RFTN1: variants seen among roughly 807,000 people sequenced by gnomAD.
The protein encoded by RFTN1 is raftlin.
In RFTN1, 26 loss-of-function variants were observed where a neutral mutation model predicts 46.5. That is an observed-to-expected ratio of 0.56 (90% CI 0.41 to 0.78). The LOEUF (loss-of-function observed/expected upper bound fraction) is 0.78, where lower values mean the gene tolerates loss of function less well. RFTN1 is among the 30% of genes least tolerant of loss of function. The pLI is 0.00. For synonymous variants in RFTN1, 261 were observed against 284.2 expected (o/e 0.92, Z 0.82); for missense variants, 693 against 718.7 (o/e 0.96, Z 0.41).
At chr3:16,364,402 C>T (rs940838983) in intron 6 of RFTN1, among the ~76,000 whole-genome samples, 1 of 152,164 alleles carries the variant, frequency 6.6e-6, no homozygotes, top group African/African-American at 2.4e-5. Flanking sequence ...TTTGTTTCAT[C>T]CTAAAACCTA....
intron 2 of RFTN1, among the ~76,000 whole-genome samples, chr3:16,470,553 G>C (rs748374268): frequency 1.3e-5 from 2 of 152,154 alleles, no homozygotes; most frequent in African/African-American, 4.8e-5. Context: ...CCAGAGAAAA[G>C]AGCCCCAGAT....
chr3:16,409,184 A>T (rs1009601887), intron 4 of RFTN1, among the ~76,000 whole-genome samples, 191 bp downstream of exon 4: 19 of 152,110 alleles, frequency 1.2e-4, no homozygotes, highest in African/African-American at 4.3e-4. Flanking sequence ...CCTGGGGAGG[A>T]GGGGTTAGCC....
chr3:16,375,436 C>T (rs1359100925), intron 5 of RFTN1, among the ~76,000 whole-genome samples: 1 of 151,938 alleles, frequency 6.6e-6, no homozygotes, highest in Non-Finnish European at 1.5e-5. Context: ...ATAGCATCTT[C>T]TGCCATAAAG....
rs34705903 is a variant in RFTN1, at chr3:16,426,660, CGTGTGTGT to C, written c.332+7183_332+7190del. Among the ~76,000 whole-genome samples the C allele has an allele frequency of 1.5e-4, 21 of 142,026 alleles. No homozygotes were observed. Among genetic ancestry groups the C allele is most frequent in the African/African-American group, 3.7e-4 (14 of 37,494 alleles). 93.2% of individuals were successfully genotyped at this position (142,026 alleles called of 152,430 possible). A position where few individuals can be genotyped will look rare whatever the true frequency, so the allele number is the denominator to read the frequency against. On this transcript the variant is annotated intron_variant, in intron 3 of 9. Transcript: ENST00000334133. This position sits in a 1 kb window ranked among gnomAD's most constrained non-coding sequence, Gnocchi z 5.9. The stretch of plus-strand genomic sequence containing the variant: ...ACTGTTATTTTGGCAATGAAAGGAT[CGTGTGTGT>C]GTGTGTGTGTGTGTGTGTGTGTGTG...
Position 16,484,093 on chromosome 3 carries a change from C to G in RFTN1, c.145+9632G>C, listed in dbSNP as rs1373577767. ...CACGAAATCAGAAAGGCTAATAGTG[C>G]CAGGATTTATAACTAGCCATTAGGC... is the stretch of plus-strand genomic sequence containing the variant. On this transcript the variant is annotated intron_variant, in intron 2 of 9. Transcript: ENST00000334133. This position sits in a 1 kb window ranked among gnomAD's most constrained non-coding sequence, Gnocchi z 4.6. 2.0e-5 allele frequency among the ~76,000 whole-genome samples: 3 copies of G among 152,174 alleles called. No homozygotes were observed. The highest frequency in any genetic ancestry group is 2.0e-4 in the Admixed American group (3 of 15,274).
intron 5 of RFTN1, among the ~76,000 whole-genome samples, chr3:16,372,130 C>T (rs565534475): frequency 6.6e-6 from 1 of 152,024 alleles, no homozygotes. Flanking sequence ...CTTTCCTGTG[C>T]AAGTAGTTTA....
intron 5 of RFTN1, among the ~76,000 whole-genome samples, chr3:16,373,453 C>G (rs1294383457): frequency 6.6e-6 from 1 of 152,218 alleles, no homozygotes; most frequent in Non-Finnish European, 1.5e-5. Flanking sequence ...TCCATTCAGG[C>G]CTTGCCAGGC....
rs914257469 is a variant in RFTN1, at chr3:16,322,194, G to A, written c.1332+1182C>T. Among the ~76,000 whole-genome samples, 4 of 152,214 alleles carry A rather than the reference G, an allele frequency of 2.6e-5. No homozygotes were observed. The highest frequency in any genetic ancestry group is 7.2e-5 in the African/African-American group (3 of 41,458). On this transcript the variant is annotated intron_variant, in intron 9 of 9. Transcript: ENST00000334133. The surrounding 1 kb of genome is among the most constrained non-coding windows in gnomAD (Gnocchi z 6.2). ...TGCTCCTGGTGGTTGATGGTGGGCT[G>A]GCAGTTCCCTTCTGGTCCATTGTGC...
At position 16,459,259 on chromosome 3, in the gene RFTN1, T is replaced by C. The variant is rs1411981170; in HGVS notation, c.146-25222A>G. 6.6e-6 allele frequency among the ~76,000 whole-genome samples: 1 copy of C among 152,122 alleles called. No individual in the cohort carries two copies. Among genetic ancestry groups the C allele is most frequent in the Non-Finnish European group, 1.5e-5 (1 of 68,030 alleles). Reference sequence around the variant, plus strand: ...ACTGTGTTTTCTGAAGGAAATTAGTTTTAACAGAACCAGAAAGGACTAAGT... The same window carrying C: ...ACTGTGTTTTCTGAAGGAAATTAGTCTTAACAGAACCAGAAAGGACTAAGT... On this transcript the variant is annotated intron_variant, in intron 2 of 9. Coordinates refer to ENST00000334133, the MANE Select transcript of RFTN1 (RefSeq NM_015150.2). This position sits in a 1 kb window ranked among gnomAD's most constrained non-coding sequence, Gnocchi z 4.2.
At chr3:16,319,202 A>G (rs961224111) in intron 9 of RFTN1, among the ~76,000 whole-genome samples, 1 of 152,178 alleles carries the variant, frequency 6.6e-6, no homozygotes, top group African/African-American at 2.4e-5. Context: ...ACGTGTTTTT[A>G]GAAAAGGACC....
intron 4 of RFTN1, among the ~76,000 whole-genome samples, chr3:16,390,928 T>C (rs1348379771): frequency 6.6e-6 from 1 of 152,232 alleles, no homozygotes; most frequent in Non-Finnish European, 1.5e-5. Context: ...AGTTTTTCCA[T>C]CTCTTCAGGT....
chr3:16,434,408 C>CAAAAAAAAAA (rs752211010), intron 2 of RFTN1, among the ~76,000 whole-genome samples: 22 of 150,290 alleles, frequency 1.5e-4, no homozygotes, highest in East Asian at 7.9e-4. Context: ...ACAAAAAAAC[C>CAAAAAAAAAA]CCCTCAAAAT....
chr3:16,477,018 AC>A (rs2076293124), intron 2 of RFTN1, among the ~76,000 whole-genome samples: 1 of 152,138 alleles, frequency 6.6e-6, no homozygotes, highest in Admixed American at 6.5e-5. Context: ...AATTGATCCT[AC>A]TTTTCATCCA....
At position 16,489,178 on chromosome 3, in the gene RFTN1, G is replaced by A. The variant is rs1031137634; in HGVS notation, c.145+4547C>T. On this transcript the variant is annotated intron_variant, in intron 2 of 9. Transcript: ENST00000334133. This position sits in a 1 kb window ranked among gnomAD's most constrained non-coding sequence, Gnocchi z 4.0. ...CACACCTGTAATCCCGGCACTTTGG[G>A]AAGCTGAGGCAGGCAGATCACCTGA... Among the ~76,000 whole-genome samples the A allele has an allele frequency of 2.0e-5, 3 of 152,224 alleles. No homozygotes were observed. Among genetic ancestry groups the A allele is most frequent in the Non-Finnish European group, 4.4e-5 (3 of 68,042 alleles).
chr3:16,400,865 G>T lies in RFTN1; in HGVS notation c.441+8510C>A, dbSNP rs1048701381. Among the ~76,000 whole-genome samples the T allele has an allele frequency of 6.6e-6, 1 of 150,632 alleles. No homozygotes were observed. Among genetic ancestry groups the T allele is most frequent in the Non-Finnish European group, 1.5e-5 (1 of 67,344 alleles). ...AGCTCCTGCATTTTTTCCTCCATTA[G>T]GAACATCTAAGCCTGTAACCTTCCT... On this transcript the variant is annotated intron_variant, in intron 4 of 9. Transcript: ENST00000334133. This position sits in a 1 kb window ranked among gnomAD's most constrained non-coding sequence, Gnocchi z 4.5.
chr3:16,393,361 T>C (rs1408207309), intron 4 of RFTN1, among the ~76,000 whole-genome samples: 1 of 152,194 alleles, frequency 6.6e-6, no homozygotes, highest in Non-Finnish European at 1.5e-5. Context: ...GGGACCAATA[T>C]TCACTAACTA....
At position 16,479,818 on chromosome 3, in the gene RFTN1, A is replaced by T. The variant is rs370059274; in HGVS notation, c.145+13907T>A. Among the ~76,000 whole-genome samples the T allele has an allele frequency of 2.9e-4, 44 of 152,300 alleles. No homozygotes were observed. The highest frequency in any genetic ancestry group is 1.0e-3 in the African/African-American group (43 of 41,562). On this transcript the variant is annotated intron_variant, in intron 2 of 9. Coordinates refer to ENST00000334133, the MANE Select transcript of RFTN1 (RefSeq NM_015150.2). The surrounding 1 kb of genome is among the most constrained non-coding windows in gnomAD (Gnocchi z 5.1). ...GTTTAGGATTTCCAGGGCCCCCTGC[A>T]CCTACCAAACAGCAGACAAGTCTCT... is the stretch of plus-strand genomic sequence containing the variant.
chr3:16,412,176 G>C, intron 3 of RFTN1, among the ~76,000 whole-genome samples: 1 of 152,206 alleles, frequency 6.6e-6, no homozygotes, highest in East Asian at 1.9e-4. Flanking sequence ...TGGTTTCTTG[G>C]AAAAGCAAAT....
intron 2 of RFTN1, among the ~76,000 whole-genome samples, chr3:16,467,436 A>G (rs1044905573): frequency 3.7e-4 from 56 of 152,196 alleles, no homozygotes; most frequent in African/African-American, 1.3e-3. Context: ...CCCTACACAC[A>G]GGACATGGCC....
Sources: allele counts gnomAD v4.1 joint callset (sites outside exome capture counted in the v4.1 genomes callset), GRCh38; gene constraint gnomAD v4.1.1; non-coding constraint Gnocchi (gnomAD v3.1); transcripts MANE v1.5; gene names NCBI Gene and HGNC (gene_info 2026-07-23, HGNC 2026-07-21).